The following EHMT1 variants were observed in gnomAD, a reference collection of about 807,000 sequenced individuals.
EHMT1 encodes euchromatic histone lysine methyltransferase 1.
A neutral mutation model predicts 147.2 loss-of-function variants in EHMT1; 15 were observed. The observed-to-expected ratio is 0.10, with a 90% CI of 0.07 to 0.16. The LOEUF is 0.16. EHMT1 is among the 10% of genes least tolerant of loss of function. The pLI, the probability that EHMT1 is intolerant of heterozygous loss-of-function variation, is 1.00. For missense variants in EHMT1, 1,587 were observed against 1,772.4 expected, an observed-to-expected ratio of 0.90 and a Z score of 1.88; for synonymous variants, 795 against 709.6, an observed-to-expected ratio of 1.12 and a Z score of -1.91.
At chr9:137,780,583 G>A (rs1290181438) in intron 14 of EHMT1, among the ~76,000 whole-genome samples, 2 of 142,824 alleles carry the variant, frequency 1.4e-5, no homozygotes, top group Non-Finnish European at 3.0e-5. Flanking sequence ...TGGTGATGAC[G>A]CTGGGATGTG....
At chr9:137,774,797 C>T (rs558589482) in intron 10 of EHMT1, among the ~76,000 whole-genome samples, 68 of 150,930 alleles carry the variant, frequency 4.5e-4, no homozygotes, top group Non-Finnish European at 7.5e-4. Context: ...GGTGTGGGCA[C>T]GCCTGGCCCC....
rs1325375700 is a variant in EHMT1, at chr9:137,732,327, T to TA, written c.823+3799dup. On this transcript the variant is annotated intron_variant, in intron 4 of 26. Transcript: ENST00000460843. This position sits in a 1 kb window ranked among gnomAD's most constrained non-coding sequence, Gnocchi z 4.6. ...CTCAGTGAACCGGCCAGGAACATGT[T>TA]ACAGCCCTTTTTGCACCCGCTGTTG... Among the ~76,000 whole-genome samples the TA allele has an allele frequency of 2.0e-5, 3 of 152,240 alleles. No homozygotes were observed. The highest frequency in any genetic ancestry group is 2.9e-5 in the Non-Finnish European group (2 of 68,034).
chr9:137,673,006 C>T (rs538799732), intron 1 of EHMT1, among the ~76,000 whole-genome samples: 1 of 152,208 alleles, frequency 6.6e-6, no homozygotes, highest in African/African-American at 2.4e-5. Flanking sequence ...CAAGGTGGTG[C>T]TTTTGTTCTA....
chr9:137,683,923 A>G (rs1381568304), intron 1 of EHMT1, among the ~76,000 whole-genome samples: 2 of 152,016 alleles, frequency 1.3e-5, no homozygotes, highest in Non-Finnish European at 2.9e-5. Context: ...TATATCCTTC[A>G]AGATCTTTGC....
intron 25 of EHMT1, among the ~76,000 whole-genome samples, chr9:137,833,894 C>T (rs987983080): frequency 2.6e-5 from 4 of 152,262 alleles, no homozygotes; most frequent in African/African-American, 9.6e-5. Context: ...TCCGCCTCCT[C>T]GTCACCAAGA....
In EHMT1 at chr9:137,633,373, G is replaced by T. The variant is rs140432680; in HGVS notation, c.21+14324G>T. Among the ~76,000 whole-genome samples, 101 of 151,562 alleles carry T rather than the reference G, an allele frequency of 6.7e-4. 1 individual carries two copies. Among genetic ancestry groups the T allele is most frequent in the Admixed American group, 4.1e-3 (62 of 15,202 alleles). ...GATTAGAAGAACAGAATTTTTGGGG[G>T]GATAACATTTTGCTTAATTGGGGTT... On this transcript the variant is annotated intron_variant, in intron 1 of 26. Coordinates refer to ENST00000460843, the MANE Select transcript of EHMT1 (RefSeq NM_024757.5).
chr9:137,646,497 A>G, intron 1 of EHMT1: 1 of 964,710 alleles, frequency 1.0e-6, no homozygotes, highest in Non-Finnish European at 1.2e-6. Flanking sequence ...GAGAGGAGCT[A>G]GTCAGCAGGT....
At chr9:137,675,779 ATTTTT>A (rs781380107) in intron 1 of EHMT1, among the ~76,000 whole-genome samples, 4 of 95,742 alleles carry the variant, frequency 4.2e-5, no homozygotes, top group African/African-American at 1.4e-4. Context: ...CGCCCGGCTA[ATTTTT>A]TTTTTTTTTT....
intron 13 of EHMT1, among the ~76,000 whole-genome samples, chr9:137,779,244 C>T (rs1951190039): frequency 6.6e-6 from 1 of 152,264 alleles, no homozygotes; most frequent in Non-Finnish European, 1.5e-5. Flanking sequence ...TGTGCCCTCA[C>T]TCGTGACCAC....
chr9:137,619,175 C>G (rs1207908486), intron 1 of EHMT1, 126 bp downstream of exon 1: 1 of 148,080 alleles, frequency 6.8e-6, no homozygotes, highest in Non-Finnish European at 1.4e-5. Flanking sequence ...CGGGTCCCCC[C>G]GCCGCCGCCG....
chr9:137,800,811 G>A (rs763719069), intron 17 of EHMT1, 69 bp from the exon 18 acceptor site: 145 of 1,404,942 alleles, frequency 1.0e-4, no homozygotes, highest in Non-Finnish European at 1.3e-4. Context: ...ACCTCGGCGT[G>A]GGAGTCCTCA....
chr9:137,636,713 C>A (rs11137161), intron 1 of EHMT1, among the ~76,000 whole-genome samples: 20,424 of 152,032 alleles, frequency 0.13, 1,817 homozygotes, highest in Admixed American at 0.29. Context: ...GCTCAACCAG[C>A]CCTGCGTTTC....
chr9:137,818,264 G>T, intron 25 of EHMT1, 126 bp downstream of exon 25: 2 of 1,056,896 alleles, frequency 1.9e-6, no homozygotes, highest in South Asian at 2.6e-5. Context: ...GCTTGCTATA[G>T]ACCTGCTGAG....
intron 1 of EHMT1, among the ~76,000 whole-genome samples, chr9:137,686,308 CCT>C (rs752463759): frequency 3.3e-5 from 5 of 151,914 alleles, no homozygotes; most frequent in Non-Finnish European, 7.4e-5. Context: ...AAGACTTACC[CCT>C]GTGTTTTCTT....
chr9:137,824,143 C>T (rs1307301102), intron 25 of EHMT1, among the ~76,000 whole-genome samples: 2 of 152,152 alleles, frequency 1.3e-5, no homozygotes, highest in African/African-American at 4.8e-5. Context: ...CACACTGGCA[C>T]GCTCCTGTAA....
chr9:137,801,050 G>A, intron 18 of EHMT1, 66 bp downstream of exon 18: 2 of 1,472,506 alleles, frequency 1.4e-6, no homozygotes, highest in Non-Finnish European at 1.9e-6. Flanking sequence ...CCCCCAGAAG[G>A]TTCTTTTCTC....
At position 137,835,145 on chromosome 9, in the gene EHMT1, C is replaced by G. The variant is rs1956510006; in HGVS notation, c.*192C>G. Reference sequence around the variant, plus strand: ...ATGCCTCCCAGCCACCTTCCCAGACCTGCGGCCTCACCGCGGGCCCAGTGC... The same window carrying G: ...ATGCCTCCCAGCCACCTTCCCAGACGTGCGGCCTCACCGCGGGCCCAGTGC... On this transcript the variant is annotated 3_prime_UTR_variant, in exon 27 of 27. Coordinates refer to ENST00000460843, the MANE Select transcript of EHMT1 (RefSeq NM_024757.5). 3.4e-6 allele frequency: 2 copies of G among 592,338 alleles called. No homozygotes were observed. Among genetic ancestry groups the G allele is most frequent in the East Asian group, 3.8e-5 (1 of 25,996 alleles). 36.7% of individuals were successfully genotyped at this position (592,338 alleles called of 1,614,324 possible).
intron 3 of EHMT1, among the ~76,000 whole-genome samples, chr9:137,724,699 C>T (rs571439657): frequency 7.2e-5 from 11 of 152,240 alleles, no homozygotes; most frequent in East Asian, 3.9e-4. Context: ...ACAGCCTGGT[C>T]GGTGGTTTGT....
chr9:137,819,991 C>G (rs1238498304), intron 25 of EHMT1: 9 of 152,132 alleles, frequency 5.9e-5, no homozygotes, highest in Admixed American at 5.9e-4. Flanking sequence ...TTGAAACTTG[C>G]AGTAACTCCA....
Sources: gnomAD v4.1 joint callset for allele counts (sites outside exome capture counted in the v4.1 genomes callset) on GRCh38, gnomAD v4.1.1 for gene constraint, Gnocchi (gnomAD v3.1) non-coding constraint, MANE v1.5 for transcripts, NCBI Gene and HGNC (gene_info 2026-07-23, HGNC 2026-07-21) for gene names.